Variants in SYNE1 observed in about 807,000 individuals in gnomAD.
The protein encoded by SYNE1 is nesprin-1.
A neutral mutation model predicts 1,111.0 loss-of-function variants in SYNE1; 616 were observed. The observed-to-expected ratio is 0.55, with a 90% CI of 0.52 to 0.59. The LOEUF (loss-of-function observed/expected upper bound fraction) is 0.59. Among genes scored for constraint, SYNE1 ranks in the 20% least tolerant of loss-of-function variants. The pLI, the probability that SYNE1 is intolerant of heterozygous loss-of-function variation, is 0.00. For missense variants in SYNE1, 10,006 were observed against 10,417.0 expected (o/e 0.96, Z 1.72); for synonymous variants, 3,855 against 3,825.8 (o/e 1.01, Z -0.28).
intron 125 of SYNE1, 113 bp from the exon 126 acceptor site, chr6:152,206,475 C>T (rs1014317013): frequency 9.6e-6 from 11 of 1,144,710 alleles, no homozygotes; most frequent in South Asian, 2.7e-5. Flanking sequence ...AAGCATTTAC[C>T]GTAGTGGTGC....
At chr6:152,249,868 C>G (rs1021459763) in intron 104 of SYNE1, among the ~76,000 whole-genome samples, 3 of 151,968 alleles carry the variant, frequency 2.0e-5, no homozygotes, top group Non-Finnish European at 4.4e-5. Flanking sequence ...ATTTAAATGT[C>G]CAAATATATT....
intron 131 of SYNE1, among the ~76,000 whole-genome samples, chr6:152,159,881 C>A (rs2062101544): frequency 6.6e-6 from 1 of 152,188 alleles, no homozygotes; most frequent in Non-Finnish European, 1.5e-5. Context: ...AAATAAACTT[C>A]TACATGGCTG....
At chr6:152,578,385 A>T (rs1293903181) in intron 3 of SYNE1, among the ~76,000 whole-genome samples, 1 of 152,208 alleles carries the variant, frequency 6.6e-6, no homozygotes, top group East Asian at 1.9e-4. Context: ...ACTTGAGGTC[A>T]GAAATTCAAG....
chr6:152,419,498 C>T (rs2098219314), intron 40 of SYNE1, 71 bp downstream of exon 40: 2 of 1,454,198 alleles, frequency 1.4e-6, no homozygotes, highest in Non-Finnish European at 9.4e-7. Flanking sequence ...AATGTTGCAT[C>T]TCTTTTTAAT....
chr6:152,311,105 T>C (rs1024731768), intron 87 of SYNE1: 3 of 565,412 alleles, frequency 5.3e-6, no homozygotes, highest in African/African-American at 3.7e-5. Flanking sequence ...TCACATGTCA[T>C]ACTACGTGTG....
chr6:152,277,389 T>C (rs2153706058), intron 98 of SYNE1: 1 of 147,540 alleles, frequency 6.8e-6, no homozygotes, highest in East Asian at 2.1e-4. Flanking sequence ...GCAATTCTCC[T>C]GCCTCAGCCT....
chr6:152,155,821 A>T lies in SYNE1; in HGVS notation c.23978+89T>A, dbSNP rs1332725306. 27 of 1,513,680 alleles carry T rather than the reference A, an allele frequency of 1.8e-5. No individual in the cohort carries two copies. In the South Asian group the frequency reaches 2.4e-4, roughly 14 times the overall value. The allele number at this position is 1,513,680 out of a possible 1,614,324, so 93.8% of individuals were successfully genotyped here. ...GCTATTTTTGGACATTGTAACGAAC[A>T]GGAAAGAGTGAACAGTGGATACTCT... is the stretch of plus-strand genomic sequence containing the variant. On this transcript the variant is annotated intron_variant, in intron 132 of 145. Coordinates refer to ENST00000367255, the MANE Select transcript of SYNE1 (RefSeq NM_182961.4).
chr6:152,607,598 G>C (rs1301709109), intron 3 of SYNE1, among the ~76,000 whole-genome samples: 1 of 152,114 alleles, frequency 6.6e-6, no homozygotes, highest in Admixed American at 6.5e-5. Context: ...TGGTGGGAGT[G>C]TAAATTAGTT....
In SYNE1 at chr6:152,309,850, C is replaced by T. The variant is rs1262683167; in HGVS notation, c.17187G>A (p.Gln5729=). 6.2e-7 allele frequency: 1 copy of T among 1,614,050 alleles called. No homozygotes were observed. Reference sequence around the variant, plus strand: ...CTGCACCTGCCTGCATGATGTTACACTGCTGGATGGCGGTGTGCTGCAGCC... The same window carrying T: ...CTGCACCTGCCTGCATGATGTTACATTGCTGGATGGCGGTGTGCTGCAGCC... ...ASRLQHTAIQ[Q]CNIMQEAVVQ... The change falls in exon 90 of 146, where the codon CAG becomes CAA. Residue 5729 remains glutamine (Q), a synonymous_variant. Coordinates refer to ENST00000367255, the MANE Select transcript of SYNE1 (RefSeq NM_182961.4).
At chr6:152,424,588 A>G (rs1418200941) in intron 39 of SYNE1, among the ~76,000 whole-genome samples, 1 of 152,140 alleles carries the variant, frequency 6.6e-6, no homozygotes, top group African/African-American at 2.4e-5. Flanking sequence ...GTTCATTTTT[A>G]TGGCTTTTGG....
chr6:152,234,839 C>T (rs1338764251), intron 110 of SYNE1, 39 bp from the exon 111 acceptor site: 1 of 1,610,540 alleles, frequency 6.2e-7, no homozygotes, highest in African/African-American at 1.3e-5. Flanking sequence ...GTAAACATTT[C>T]ATCCCTATCT....
At chr6:152,495,822 C>A (rs947106166) in intron 11 of SYNE1, among the ~76,000 whole-genome samples, 3 of 152,214 alleles carry the variant, frequency 2.0e-5, no homozygotes, top group African/African-American at 7.2e-5. Context: ...AACCCCTTCC[C>A]GTCCCTTGTC....
chr6:152,625,437 A>G (rs2099683843), intron 3 of SYNE1, among the ~76,000 whole-genome samples: 1 of 152,224 alleles, frequency 6.6e-6, no homozygotes, highest in Admixed American at 6.5e-5. Context: ...CATTTCACCC[A>G]GTTTCCTTTG....
rs1292139530 is a variant in SYNE1 at position 152,336,913 on chromosome 6, T to C, written c.12456A>G (p.Gln4152=). The C allele has an allele frequency of 6.2e-7, 1 of 1,614,150 alleles. No individual in the cohort carries two copies. The highest frequency in any genetic ancestry group is 1.7e-5 in the Admixed American group (1 of 60,032). ...AGTGCCTCCTCTTCATGTTCTGCAGTTGCTGATCAGCATCTTGCAGGTAAA... is the reference window on the plus strand; with the variant it reads ...AGTGCCTCCTCTTCATGTTCTGCAGCTGCTGATCAGCATCTTGCAGGTAAA... ...LWIYLQDADQ[Q]LQNMKRRHSE... Residue 4152 remains glutamine, a synonymous_variant, in exon 76 of 146, where the codon CAA becomes CAG. Transcript: ENST00000367255.
At chr6:152,530,057 T>C (rs1372465777) in intron 4 of SYNE1, among the ~76,000 whole-genome samples, 7 of 152,178 alleles carry the variant, frequency 4.6e-5, no homozygotes, top group Admixed American at 3.3e-4. Flanking sequence ...GTCTCAGGCA[T>C]AGAAAACCAC....
intron 4 of SYNE1, 120 bp downstream of exon 4, chr6:152,539,840 T>C (rs1015395567): frequency 9.0e-7 from 1 of 1,110,430 alleles, no homozygotes; most frequent in Non-Finnish European, 1.4e-6. Context: ...ACCAATAAGA[T>C]TACAGTATCA....
intron 104 of SYNE1, among the ~76,000 whole-genome samples, chr6:152,252,191 G>C (rs908985350): frequency 2.6e-5 from 4 of 152,094 alleles, no homozygotes; most frequent in African/African-American, 9.7e-5. Flanking sequence ...AGAATTGTTT[G>C]AACACGGGAG....
intron 7 of SYNE1, 148 bp from the exon 8 acceptor site, chr6:152,510,519 A>G: frequency 1.1e-6 from 1 of 872,558 alleles, no homozygotes; most frequent in Non-Finnish European, 1.8e-6. Flanking sequence ...CATGATTGAT[A>G]TCTTACTCCT....
chr6:152,604,790 A>T (rs1380378893), intron 3 of SYNE1, among the ~76,000 whole-genome samples: 1 of 150,446 alleles, frequency 6.6e-6, no homozygotes, highest in Non-Finnish European at 1.5e-5. Flanking sequence ...CCCTACAAAA[A>T]ATAAAAAATA....
Sources: allele counts gnomAD v4.1 joint callset (sites outside exome capture counted in the v4.1 genomes callset), GRCh38; gene constraint gnomAD v4.1.1; transcripts MANE v1.5; gene names NCBI Gene and HGNC (gene_info 2026-07-23, HGNC 2026-07-21).